The following ZNF420 variants were observed in gnomAD, a reference collection of about 807,000 sequenced individuals.
The protein encoded by ZNF420 is zinc finger protein 420.
Under a neutral mutation model 44.7 loss-of-function variants are expected in ZNF420, and 31 were observed. The ratio of observed to expected loss-of-function variants is 0.69; its 90% CI spans 0.52 to 0.94. ZNF420 has a LOEUF of 0.94. Ranked by LOEUF, ZNF420 falls within the 40% of genes least tolerant of loss-of-function variation. The probability of loss-of-function intolerance (pLI) is 0.00; values close to 1 mark genes in which losing one functional copy is unlikely to be tolerated. For missense variants in ZNF420, 681 were observed against 827.9 expected, an observed-to-expected ratio of 0.82 and a Z score of 2.18; for synonymous variants, 245 against 267.4, an observed-to-expected ratio of 0.92 and a Z score of 0.82.
chr19:37,025,309 G>T (rs1054507015), intron 1 of ZNF420: 5 of 223,232 alleles, frequency 2.2e-5, no homozygotes, highest in Non-Finnish European at 4.6e-5. Context: ...TGAGGAGTAA[G>T]GAAAGGGGTA....
intron 4 of ZNF420, among the ~76,000 whole-genome samples, chr19:37,111,204 A>G (rs1414535444): frequency 7.8e-6 from 1 of 128,402 alleles, no homozygotes; most frequent in Non-Finnish European, 1.6e-5. Flanking sequence ...GAGTGGGGCT[A>G]AGGGATCTAT....
At chr19:37,025,212 A>G in intron 1 of ZNF420, 1 of 384,076 alleles carries the variant, frequency 2.6e-6, no homozygotes, top group East Asian at 5.4e-5. Flanking sequence ...CACACTCTTT[A>G]CATTCATAGG....
intron 1 of ZNF420, among the ~76,000 whole-genome samples, chr19:37,072,431 T>C (rs910061324): frequency 6.6e-6 from 1 of 152,192 alleles, no homozygotes; most frequent in Non-Finnish European, 1.5e-5. Flanking sequence ...ATCCACAGGA[T>C]TCACAAAGGA....
intron 1 of ZNF420, among the ~76,000 whole-genome samples, chr19:37,026,967 A>G (rs1315568651): frequency 6.6e-6 from 1 of 152,216 alleles, no homozygotes; most frequent in East Asian, 1.9e-4. Flanking sequence ...CGATCTCTGA[A>G]ATTGGCTCTT....
At position 37,037,177 on chromosome 19, in the gene ZNF420, G is replaced by T. The variant is rs570113349; in HGVS notation, c.-125+29095G>T. On this transcript the variant is annotated intron_variant, in intron 1 of 4. Coordinates refer to the ZNF420 transcript ENST00000587029. ...TTTGCGCTTTGAAATAAACCCAGGG[G>T]AGAGGCCATGCAGGCTCAGGCACAT... is the stretch of plus-strand genomic sequence containing the variant. Among the ~76,000 whole-genome samples the T allele has an allele frequency of 2.6e-5, 4 of 152,340 alleles. No individual in the cohort carries two copies. The East Asian group carries it at 7.7e-4, about 29-fold the overall frequency.
intron 1 of ZNF420, among the ~76,000 whole-genome samples, chr19:37,029,657 G>C (rs533410239): frequency 6.6e-6 from 1 of 151,758 alleles, no homozygotes; most frequent in Non-Finnish European, 1.5e-5. Flanking sequence ...AAGTAGCTGG[G>C]ATTACAGGCA....
At chr19:37,062,318 T>A (rs1045640427) in intron 1 of ZNF420, among the ~76,000 whole-genome samples, 3 of 152,138 alleles carry the variant, frequency 2.0e-5, no homozygotes, top group South Asian at 2.1e-4. Context: ...GACATTATAT[T>A]TAAGAGGAGG....
At chr19:37,063,358 TCC>T (rs1034754234) in intron 1 of ZNF420, among the ~76,000 whole-genome samples, 16 of 152,140 alleles carry the variant, frequency 1.1e-4, no homozygotes, top group African/African-American at 3.6e-4. Flanking sequence ...GCTTTATCTC[TCC>T]CTTTCCCAGG....
intron 1 of ZNF420, among the ~76,000 whole-genome samples, chr19:37,056,082 C>T (rs1568431724): frequency 6.8e-6 from 1 of 146,280 alleles, no homozygotes; most frequent in Non-Finnish European, 1.5e-5. Flanking sequence ...CTGTCTCTCA[C>T]TCTCTGTCTC....
At chr19:37,098,007 G>A (rs900344457) in intron 4 of ZNF420, among the ~76,000 whole-genome samples, 2 of 152,024 alleles carry the variant, frequency 1.3e-5, no homozygotes, top group African/African-American at 4.8e-5. Flanking sequence ...GTCTCCCTCT[G>A]TCACTTAGGC....
intron 4 of ZNF420, among the ~76,000 whole-genome samples, chr19:37,114,643 C>T (rs377080837): frequency 2.6e-5 from 4 of 152,110 alleles, no homozygotes; most frequent in East Asian, 1.9e-4. Flanking sequence ...TTGCATTGAC[C>T]GAACCATTAC....
upstream of ZNF420, among the ~76,000 whole-genome samples, chr19:37,076,069 A>G (rs1968143658): frequency 1.3e-5 from 2 of 152,144 alleles, no homozygotes; most frequent in Admixed American, 1.3e-4. Context: ...TTTTAAAAAA[A>G]TCACATATCA....
At chr19:37,120,978 T>A (rs867833289) in intron 4 of ZNF420, among the ~76,000 whole-genome samples, 1 of 151,828 alleles carries the variant, frequency 6.6e-6, no homozygotes, top group Non-Finnish European at 1.5e-5. Context: ...TAAAAGAGGA[T>A]ACAAACAAAT....
chr19:37,059,547 C>G (rs573901692), intron 1 of ZNF420, among the ~76,000 whole-genome samples: 2 of 152,138 alleles, frequency 1.3e-5, no homozygotes, highest in Non-Finnish European at 1.5e-5. Context: ...ACAGAGCTGT[C>G]GAGGATGACG....
chr19:37,070,896 C>T (rs113107355), intron 1 of ZNF420, among the ~76,000 whole-genome samples: 1,995 of 152,242 alleles, frequency 0.013, 46 homozygotes, highest in African/African-American at 0.045. Flanking sequence ...CAGGGCTTAG[C>T]AAACTATGGC....
intron 4 of ZNF420, chr19:37,109,662 G>T (rs1283475089): frequency 1.3e-5 from 2 of 152,164 alleles, no homozygotes; most frequent in Non-Finnish European, 2.9e-5. Context: ...AACTTCAAAT[G>T]TCTAGTTGGT....
At chr19:37,098,097 A>C (rs1028265843) in intron 4 of ZNF420, among the ~76,000 whole-genome samples, 1 of 152,040 alleles carries the variant, frequency 6.6e-6, no homozygotes, top group Non-Finnish European at 1.5e-5. Context: ...GACTACAGGC[A>C]TGTGCCACCA....
chr19:37,040,108 C>A (rs1967425977), intron 1 of ZNF420, among the ~76,000 whole-genome samples: 1 of 152,184 alleles, frequency 6.6e-6, no homozygotes, highest in Admixed American at 6.5e-5. Flanking sequence ...CAATAGAAGG[C>A]TGTTTCATCT....
At chr19:37,124,932 G>A (rs189864296) in intron 4 of ZNF420, among the ~76,000 whole-genome samples, 208 of 152,294 alleles carry the variant, frequency 1.4e-3, no homozygotes, top group Non-Finnish European at 2.4e-3. Context: ...CGCCTCCCAG[G>A]TTCAAGCGAT....
Sources: gnomAD v4.1 joint callset for allele counts (sites outside exome capture counted in the v4.1 genomes callset) on GRCh38, gnomAD v4.1.1 for gene constraint, MANE v1.5 for transcripts, NCBI Gene and HGNC (gene_info 2026-07-23, HGNC 2026-07-21) for gene names.